The following CSTF1 variants were observed in gnomAD, a reference collection of about 807,000 sequenced individuals.
CSTF1 encodes the protein cleavage stimulation factor subunit 1, also known as CF-1 50 kDa subunit.
A neutral mutation model predicts 40.9 loss-of-function variants in CSTF1; 2 were observed. That is an observed-to-expected ratio of 0.05 (90% CI 0.02 to 0.15). The LOEUF is 0.15. Among genes scored for constraint, CSTF1 ranks in the 10% least tolerant of loss-of-function variants. CSTF1 has a pLI of 1.00. For missense variants in CSTF1, 279 were observed against 558.9 expected (o/e 0.50, Z 5.05); for synonymous variants, 218 against 207.2 (o/e 1.05, Z -0.45).
chr20:56,396,559 C>T (rs912091761), intron 2 of CSTF1, among the ~76,000 whole-genome samples: 1 of 152,114 alleles, frequency 6.6e-6, no homozygotes, highest in African/African-American at 2.4e-5. Context: ...AAAAATAAAA[C>T]AGCCGTGCAC....
chr20:56,400,211 T>A (rs1197192958), intron 5 of CSTF1, among the ~76,000 whole-genome samples: 1 of 152,218 alleles, frequency 6.6e-6, no homozygotes, highest in Non-Finnish European at 1.5e-5. Context: ...TCTGACCCAC[T>A]AGGGGGCAGC....
rs1978582279 is a variant in CSTF1 at position 56,403,794 on chromosome 20, C to T, written c.*67C>T. On this transcript the variant is annotated 3_prime_UTR_variant, in exon 6 of 6. Coordinates refer to ENST00000217109, the MANE Select transcript of CSTF1 (RefSeq NM_001324.3). The stretch of plus-strand genomic sequence containing the variant: ...CCTCCCCCACGTCCTGTCTCAGCTG[C>T]AGTCGTAAGTCCGTGCACCATCCTT... 8 of 1,508,802 alleles carry T rather than the reference C, an allele frequency of 5.3e-6. No individual in the cohort carries two copies. Among genetic ancestry groups the T allele is most frequent in the South Asian group, 3.7e-5 (3 of 81,002 alleles). 93.5% of individuals were successfully genotyped at this position (1,508,802 alleles called of 1,614,324 possible).
intron 5 of CSTF1, among the ~76,000 whole-genome samples, chr20:56,403,209 C>G (rs908637337): frequency 6.6e-6 from 1 of 151,050 alleles, no homozygotes; most frequent in Non-Finnish European, 1.5e-5. Flanking sequence ...TGCTCTTGCT[C>G]TGTTGCCTGT....
At chr20:56,401,540 T>C (rs1182145565) in intron 5 of CSTF1, among the ~76,000 whole-genome samples, 1 of 152,248 alleles carries the variant, frequency 6.6e-6, no homozygotes, top group East Asian at 1.9e-4. Context: ...TGACCCACTA[T>C]ATCTACTCTT....
chr20:56,403,764 A>G lies in CSTF1; in HGVS notation c.*37A>G. 1 of 1,571,870 alleles carries G rather than the reference A, an allele frequency of 6.4e-7. No homozygotes were observed. Among genetic ancestry groups the G allele is most frequent in the Non-Finnish European group, 8.7e-7 (1 of 1,153,642 alleles). On this transcript the variant is annotated 3_prime_UTR_variant, in exon 6 of 6. Transcript: ENST00000217109. ...CGTAGGGTTCTTTCTCGAGGACTCT[A>G]CCCTCCTCCCCCACGTCCTGTCTCA...
In CSTF1 at chr20:56,399,205, G is replaced by T; in HGVS notation, c.884G>T (p.Arg295Leu). 6.2e-7 allele frequency: 1 copy of T among 1,614,168 alleles called. No individual in the cohort carries two copies. Among genetic ancestry groups the T allele is most frequent in the Non-Finnish European group, 8.5e-7 (1 of 1,180,034 alleles). ...AAATTATGGGATGGTGTTTCAAATC[G>T]ATGCATCACAACTTTTGAGAAAGCA... is the stretch of plus-strand genomic sequence containing the variant. The part of the protein sequence containing the change: ...CIKLWDGVSN[R>L]CITTFEKAHD... The change falls in exon 5 of 6, where the codon CGA (arginine) becomes CTA (leucine). Residue 295 changes from arginine (R) to leucine (L), a missense_variant. Arg to Leu is a moderately radical substitution (Grantham distance 102). Around this residue, in one of 4 missense-constraint regions of CSTF1, gnomAD observed 162 missense variants for 337.1 expected, o/e 0.48. Transcript: ENST00000217109. This position sits in a 1 kb window ranked among gnomAD's most constrained non-coding sequence, Gnocchi z 4.6.
At chr20:56,396,743 A>T (rs1355024246) in intron 2 of CSTF1, among the ~76,000 whole-genome samples, 1 of 152,210 alleles carries the variant, frequency 6.6e-6, no homozygotes, top group East Asian at 1.9e-4. Context: ...CATATTCTTG[A>T]TAAACCAGTT....
chr20:56,395,627 C>T lies in CSTF1; in HGVS notation c.75C>T (p.Asp25=), dbSNP rs112830633. The change falls in exon 2 of 6, where the codon GAC becomes GAT. Residue 25 remains aspartate, a synonymous_variant. Coordinates refer to ENST00000217109, the MANE Select transcript of CSTF1 (RefSeq NM_001324.3). ...TGATCATTAGCCAGCTGCTATATGA[C>T]GGCTACATCAGCATCGCCAATGGCC... ...YKLIISQLLY[D]GYISIANGLI... 1.7e-4 allele frequency: 276 copies of T among 1,614,160 alleles called. 1 individual carries two copies. The African/African-American group carries it at 3.3e-3, about 19-fold the overall frequency.
In CSTF1 at chr20:56,397,893, A is replaced by G. The variant is rs753496471; in HGVS notation, c.645+52A>G. The G allele has an allele frequency of 3.7e-6, 5 of 1,365,916 alleles. No individual in the cohort carries two copies. Among genetic ancestry groups the G allele is most frequent in the Admixed American group, 3.5e-5 (2 of 57,474 alleles). 84.6% of individuals were successfully genotyped at this position (1,365,916 alleles called of 1,614,324 possible). On this transcript the variant is annotated intron_variant, in intron 4 of 5. Coordinates refer to ENST00000217109, the MANE Select transcript of CSTF1 (RefSeq NM_001324.3). This position sits in a 1 kb window ranked among gnomAD's most constrained non-coding sequence, Gnocchi z 4.4. ...CATTTTTTCTTAAATACAATGAGCT[A>G]TTGTACAACTATTCTCTTTTTAAAA... is the stretch of plus-strand genomic sequence containing the variant.
intron 2 of CSTF1, among the ~76,000 whole-genome samples, chr20:56,396,372 A>G (rs73285254): frequency 0.052 from 7,904 of 152,288 alleles, 605 homozygotes; most frequent in African/African-American, 0.17. Flanking sequence ...AAAATGGACA[A>G]ACTGCAATGC....
rs375389462 is a variant in CSTF1, at chr20:56,395,747, G to A, written c.169+26G>A. On this transcript the variant is annotated intron_variant, in intron 2 of 5. Coordinates refer to ENST00000217109, the MANE Select transcript of CSTF1 (RefSeq NM_001324.3). ...GTAGATTGTGAACACAAATCCATACGTCCCATGGCAAGGTTTTAGATATTT... is the reference window on the plus strand; with the variant it reads ...GTAGATTGTGAACACAAATCCATACATCCCATGGCAAGGTTTTAGATATTT... 146 of 1,602,972 alleles carry A rather than the reference G, an allele frequency of 9.1e-5. 2 individuals carry two copies. In the South Asian group the frequency reaches 1.3e-3, roughly 15 times the overall value.
In CSTF1 at chr20:56,397,862, G is replaced by C; in HGVS notation, c.645+21G>C. 1 of 1,566,276 alleles carries C rather than the reference G, an allele frequency of 6.4e-7. No homozygotes were observed. The highest frequency in any genetic ancestry group is 8.8e-7 in the Non-Finnish European group (1 of 1,142,324). On this transcript the variant is annotated intron_variant, in intron 4 of 5. Transcript: ENST00000217109. The surrounding 1 kb of genome is among the most constrained non-coding windows in gnomAD (Gnocchi z 4.4). ...TTCAGGTAGGAATCTTTAGAAAGGA[G>C]CTTTACATTTTTTCTTAAATACAAT...
chr20:56,397,871 T>G lies in CSTF1; in HGVS notation c.645+30T>G, dbSNP rs1987563563. ...GAATCTTTAGAAAGGAGCTTTACAT[T>G]TTTTCTTAAATACAATGAGCTATTG... On this transcript the variant is annotated intron_variant, in intron 4 of 5. Transcript: ENST00000217109. The surrounding 1 kb of genome is among the most constrained non-coding windows in gnomAD (Gnocchi z 4.4). 6.5e-7 allele frequency: 1 copy of G among 1,531,680 alleles called. No homozygotes were observed. The highest frequency in any genetic ancestry group is 1.4e-5 in the African/African-American group (1 of 72,644). 94.9% of individuals were successfully genotyped at this position (1,531,680 alleles called of 1,614,324 possible).
rs1031386248 is a variant in CSTF1 at position 56,405,592 on chromosome 20, A to C, written c.*1865A>C. On this transcript the variant is annotated 3_prime_UTR_variant, in exon 6 of 6. Transcript: ENST00000217109. Reference sequence around the variant, plus strand: ...GATCGTTTTAACTCCTTGATCTGTAAAACTGTCTTAAGCATCTTAACATGT... The same window carrying C: ...GATCGTTTTAACTCCTTGATCTGTACAACTGTCTTAAGCATCTTAACATGT... 1 of 152,188 alleles carries C rather than the reference A, an allele frequency of 6.6e-6. No individual in the cohort carries two copies. Among genetic ancestry groups the C allele is most frequent in the Admixed American group, 6.5e-5 (1 of 15,272 alleles). 9.4% of individuals were successfully genotyped at this position (152,188 alleles called of 1,614,324 possible).
chr20:56,403,472 G>T lies in CSTF1; in HGVS notation c.1041G>T (p.Ala347=). 1.2e-6 allele frequency: 2 copies of T among 1,613,994 alleles called. No individual in the cohort carries two copies. Among genetic ancestry groups the T allele is most frequent in the Non-Finnish European group, 1.7e-6 (2 of 1,179,938 alleles). ...CCCTCTTGCTCTCTGTGGCAGGCGC[G>T]GGTTTAAGTGGACGCCAGGTGCACC... is the stretch of plus-strand genomic sequence containing the variant. ...TGRTLVRYTG[A]GLSGRQVHRT... The change falls in exon 6 of 6, where the codon GCG becomes GCT. Residue 347 remains alanine, a synonymous_variant. Coordinates refer to ENST00000217109, the MANE Select transcript of CSTF1 (RefSeq NM_001324.3).
intron 5 of CSTF1, among the ~76,000 whole-genome samples, chr20:56,400,708 G>A (rs1165727590): frequency 2.0e-5 from 3 of 152,136 alleles, no homozygotes; most frequent in East Asian, 3.8e-4. Flanking sequence ...CGCCTGTCAT[G>A]TCAGCATGTT....
At chr20:56,393,238 A>T (rs760494362) in intron 1 of CSTF1, among the ~76,000 whole-genome samples, 4 of 152,044 alleles carry the variant, frequency 2.6e-5, no homozygotes, top group Non-Finnish European at 5.9e-5. Context: ...CGGATAGAAC[A>T]GTGGTGTAGG....
intron 5 of CSTF1, 122 bp from the exon 6 acceptor site, chr20:56,403,346 T>C: frequency 7.7e-6 from 9 of 1,171,208 alleles, no homozygotes; most frequent in Non-Finnish European, 1.1e-5. Context: ...TTTTAGAGTT[T>C]CTGAAAGTGT....
At chr20:56,396,581 C>T (rs1489857484) in intron 2 of CSTF1, among the ~76,000 whole-genome samples, 1 of 151,928 alleles carries the variant, frequency 6.6e-6, no homozygotes, top group Non-Finnish European at 1.5e-5. Flanking sequence ...GGGAAGGATC[C>T]CTAAGAATTT....
Sources: gnomAD v4.1 joint callset for allele counts (sites outside exome capture counted in the v4.1 genomes callset) on GRCh38, gnomAD v4.1.1 for gene constraint, gnomAD v4.1.1 regional missense constraint, Gnocchi (gnomAD v3.1) non-coding constraint, MANE v1.5 for transcripts, NCBI Gene and HGNC (gene_info 2026-07-23, HGNC 2026-07-21) for gene names.